Variants in DHX32 observed in about 807,000 individuals in gnomAD.
DHX32 encodes the protein DEAH-box helicase 32 (putative), also known as putative pre-mRNA-splicing factor ATP-dependent RNA helicase DHX32.
A neutral mutation model predicts 70.0 loss-of-function variants in DHX32; 51 were observed. The observed-to-expected ratio is 0.73, with a 90% CI of 0.58 to 0.92. The LOEUF (loss-of-function observed/expected upper bound fraction) is 0.92. DHX32 is among the 40% of genes least tolerant of loss of function. The pLI is 0.00. For synonymous variants in DHX32, 310 were observed against 315.3 expected, an observed-to-expected ratio of 0.98 and a Z score of 0.18; for missense variants, 762 against 891.8, an observed-to-expected ratio of 0.85 and a Z score of 1.85.
At chr10:125,842,582 C>T (rs1190539562) in intron 6 of DHX32, 1 of 152,568 alleles carries the variant, frequency 6.6e-6, no homozygotes, top group Non-Finnish European at 1.5e-5. Flanking sequence ...ACACTGCATC[C>T]TAGGACAAAG....
At position 125,859,912 on chromosome 10, in the gene DHX32, C is replaced by T. The variant is rs73381253; in HGVS notation, c.540G>A (p.Gly180=). The T allele has an allele frequency of 8.5e-4, 1,371 of 1,612,814 alleles. 12 individuals carry two copies. In the African/African-American group the frequency reaches 0.016, roughly 19 times the overall value. The change falls in exon 3 of 11, where the codon GGG becomes GGA. Residue 180 remains glycine (G), a synonymous_variant. Coordinates refer to ENST00000284690, the MANE Select transcript of DHX32 (RefSeq NM_018180.3). ...MMSNPFLGSY[G]VIILDDIHER... ...CATGAATATCATCTAAGATGATGAC[C>T]CCATAGCTACCCAAAAAAGGATTGG...
chr10:125,838,862 G>T, intron 9 of DHX32, 139 bp downstream of exon 9: 26 of 1,028,220 alleles, frequency 2.5e-5, no homozygotes, highest in Non-Finnish European at 3.7e-5. Context: ...GGATACTTAA[G>T]TACCAAATCT....
intron 3 of DHX32, among the ~76,000 whole-genome samples, chr10:125,858,564 A>G (rs1366623190): frequency 6.6e-6 from 1 of 152,232 alleles, no homozygotes; most frequent in Non-Finnish European, 1.5e-5. Flanking sequence ...TTGAGTATAA[A>G]ATAGAATAAA....
intron 2 of DHX32, among the ~76,000 whole-genome samples, chr10:125,862,731 C>T (rs974776209): frequency 7.9e-5 from 12 of 152,132 alleles, no homozygotes; most frequent in Non-Finnish European, 1.5e-4. Flanking sequence ...CATTTTTCTG[C>T]AGTCCCACCT....
intron 6 of DHX32, among the ~76,000 whole-genome samples, chr10:125,849,494 G>C (rs868023341): frequency 1.3e-5 from 2 of 152,312 alleles, no homozygotes; most frequent in South Asian, 2.1e-4. Flanking sequence ...CCTCATCTGA[G>C]TATAGTAGTA....
chr10:125,837,203 A>G (rs978563251), intron 10 of DHX32, among the ~76,000 whole-genome samples: 19 of 152,074 alleles, frequency 1.2e-4, no homozygotes, highest in Admixed American at 4.6e-4. Flanking sequence ...TAGGGGAGAG[A>G]GGGGGTATCT....
chr10:125,882,851 A>T (rs118186429), upstream of DHX32, among the ~76,000 whole-genome samples: 37 of 152,114 alleles, frequency 2.4e-4, no homozygotes, highest in East Asian at 7.2e-3. Flanking sequence ...AGAAAATTCC[A>T]CTCTTCAGAG....
chr10:125,842,758 C>CA (rs1203721001), intron 6 of DHX32: 41 of 904,010 alleles, frequency 4.5e-5, no homozygotes, highest in Non-Finnish European at 5.2e-5. Flanking sequence ...AAATAGTAGA[C>CA]AAAGATGTTA....
At chr10:125,886,533 C>T (rs1944342052) in intron 1 of DHX32, among the ~76,000 whole-genome samples, 1 of 152,292 alleles carries the variant, frequency 6.6e-6, no homozygotes, top group African/African-American at 2.4e-5. Flanking sequence ...AGAGTTTAAA[C>T]ACTTCTATCA....
At chr10:125,842,909 T>C in intron 6 of DHX32, 1 of 426,448 alleles carries the variant, frequency 2.3e-6, no homozygotes, top group Non-Finnish European at 3.1e-6. Context: ...ATCCATTTAT[T>C]TAAAGAAATA....
chr10:125,849,292 C>A (rs1421470271), intron 6 of DHX32, among the ~76,000 whole-genome samples: 1 of 152,186 alleles, frequency 6.6e-6, no homozygotes, highest in Non-Finnish European at 1.5e-5. Context: ...AATGATAAGC[C>A]ATATAGTTCC....
chr10:125,836,917 A>G (rs1417271590), intron 10 of DHX32, 62 bp from the exon 11 acceptor site: 6 of 1,471,368 alleles, frequency 4.1e-6, no homozygotes, highest in East Asian at 4.6e-5. Flanking sequence ...GACACCAAAC[A>G]TTATGTCTGG....
intron 1 of DHX32, among the ~76,000 whole-genome samples, chr10:125,879,015 GTTTTTTTTTTTTT>G (rs35025096): frequency 1.8e-4 from 10 of 56,674 alleles, no homozygotes; most frequent in African/African-American, 6.4e-4. Context: ...GCCTTTTCTT[GTTTTTTTTTTTTT>G]TTTTTTTTTT....
At chr10:125,844,581 A>G (rs1353780685) in intron 6 of DHX32, among the ~76,000 whole-genome samples, 1 of 152,234 alleles carries the variant, frequency 6.6e-6, no homozygotes, top group Non-Finnish European at 1.5e-5. Context: ...AACATTAATA[A>G]ATAACTAAAT....
intron 6 of DHX32, 116 bp from the exon 7 acceptor site, chr10:125,842,050 C>A: frequency 2.3e-6 from 3 of 1,292,304 alleles, no homozygotes; most frequent in Non-Finnish European, 3.0e-6. Flanking sequence ...ATATGTGAAA[C>A]AACGGTTTGC....
chr10:125,848,723 C>T (rs1298253007), intron 6 of DHX32, among the ~76,000 whole-genome samples: 1 of 152,190 alleles, frequency 6.6e-6, no homozygotes, highest in Non-Finnish European at 1.5e-5. Context: ...CTAGGACCCT[C>T]TGCAGCTCAG....
chr10:125,884,675 G>A (rs1944333427), upstream of DHX32, among the ~76,000 whole-genome samples: 2 of 152,184 alleles, frequency 1.3e-5, no homozygotes, highest in South Asian at 4.1e-4. Flanking sequence ...AGTAATTCTA[G>A]AAATACAGTT....
intron 6 of DHX32, among the ~76,000 whole-genome samples, chr10:125,849,108 TC>T (rs757722352): frequency 8.5e-5 from 13 of 152,182 alleles, no homozygotes; most frequent in Non-Finnish European, 1.8e-4. Context: ...CATGCCCCTG[TC>T]CCATGAAGTT....
intron 7 of DHX32, 182 bp downstream of exon 7, chr10:125,841,561 A>T (rs1175035472): frequency 1.4e-6 from 2 of 1,429,858 alleles, no homozygotes; most frequent in Non-Finnish European, 1.8e-6. Context: ...ATAATTTTTC[A>T]TATTAAGAAA....
Sources: allele counts gnomAD v4.1 joint callset (sites outside exome capture counted in the v4.1 genomes callset), GRCh38; gene constraint gnomAD v4.1.1; transcripts MANE v1.5; gene names NCBI Gene and HGNC (gene_info 2026-07-23, HGNC 2026-07-21).